Variants in ERAP2 observed in about 807,000 individuals in gnomAD.
ERAP2 encodes the protein leukocyte-derived arginine aminopeptidase.
Under a neutral mutation model 111.1 loss-of-function variants are expected in ERAP2, and 118 were observed. The observed-to-expected ratio is 1.06, with a 90% CI of 0.92 to 1.24. The LOEUF (loss-of-function observed/expected upper bound fraction) is 1.24. ERAP2 is among the 50% of genes most tolerant of loss of function. The pLI, the probability that ERAP2 is intolerant of heterozygous loss-of-function variation, is 0.00. For synonymous variants in ERAP2, 410 were observed against 401.2 expected, an observed-to-expected ratio of 1.02 and a Z score of -0.26; for missense variants, 1,131 against 1,125.8, an observed-to-expected ratio of 1.00 and a Z score of -0.07.
rs1787577210 is a variant in ERAP2, at chr5:96,917,709, AT to A, written c.*105del. ...ATCACGAGGTCAGGAGATGGAGACCATCCTGGCTAACACGGTGAGACCCCGT... is the reference window on the plus strand; with the variant it reads ...ATCACGAGGTCAGGAGATGGAGACCACCTGGCTAACACGGTGAGACCCCGT... On this transcript the variant is annotated 3_prime_UTR_variant, in exon 19 of 19. Transcript: ENST00000437043. 1 of 885,866 alleles carries A rather than the reference AT, an allele frequency of 1.1e-6. No individual in the cohort carries two copies. Among genetic ancestry groups the A allele is most frequent in the Non-Finnish European group, 1.6e-6 (1 of 610,564 alleles). The allele number at this position is 885,866 out of a possible 1,614,324, so 54.9% of individuals were successfully genotyped here. A position where few individuals can be genotyped will look rare whatever the true frequency, so the allele number is the denominator to read the frequency against.
chr5:96,901,568 A>G lies in ERAP2; in HGVS notation c.1635A>G (p.Lys545=). The part of the protein sequence containing the change: ...KEMMTTWTLQ[K]GIPLLVVKQD... ...TGATGACTACATGGACTCTCCAGAA[A>G]GGAATCCCCCTGCTGGTGGTTAAAC... is the stretch of plus-strand genomic sequence containing the variant. The change falls in exon 11 of 19, where the codon AAA becomes AAG. Residue 545 remains lysine (K), a synonymous_variant. Coordinates refer to ENST00000437043, the MANE Select transcript of ERAP2 (RefSeq NM_022350.5). 2 of 1,614,116 alleles carry G rather than the reference A, an allele frequency of 1.2e-6. No homozygotes were observed. Among genetic ancestry groups the G allele is most frequent in the South Asian group, 2.2e-5 (2 of 91,086 alleles).
chr5:96,879,070 G>A (rs746420423), intron 1 of ERAP2, among the ~76,000 whole-genome samples: 2 of 152,022 alleles, frequency 1.3e-5, no homozygotes, highest in African/African-American at 4.8e-5. Flanking sequence ...TACAAAAAAG[G>A]TAGCCGAGTG....
chr5:96,882,979 C>T (rs1783312321), intron 2 of ERAP2, among the ~76,000 whole-genome samples: 1 of 152,112 alleles, frequency 6.6e-6, no homozygotes, highest in Admixed American at 6.6e-5. Flanking sequence ...TGTAACTGTA[C>T]AGTTTCAGGC....
intron 14 of ERAP2, 120 bp downstream of exon 14, chr5:96,909,237 C>T (rs1786441278): frequency 2.2e-6 from 2 of 893,276 alleles, no homozygotes; most frequent in East Asian, 2.6e-5. Context: ...GGGGGACTGA[C>T]TGATAGCATG....
chr5:96,896,863 T>G lies in ERAP2; in HGVS notation c.1503T>G (p.Asn501Lys). Reference sequence around the variant, plus strand: ...ATGACTTGTGGAGCAGTCTGTCAAATGTAAGTCATATGTTGGGTAACGATA... The same window carrying G: ...ATGACTTGTGGAGCAGTCTGTCAAAGGTAAGTCATATGTTGGGTAACGATA... The part of the protein sequence containing the change: ...KNDDLWSSLS[N>K]SCLESDFTSG... The change falls in exon 9 of 19, where the codon AAT (asparagine) becomes AAG (lysine). Residue 501 changes from asparagine (N) to lysine (K), a missense_variant and splice_region_variant. Physicochemically the swap from Asn to Lys is moderately conservative, Grantham distance 94 (BLOSUM62 0). Around this residue, in one of 3 missense-constraint regions of ERAP2, gnomAD observed 847 missense variants for 856.5 expected, o/e 0.99. Coordinates refer to ENST00000437043, the MANE Select transcript of ERAP2 (RefSeq NM_022350.5). The G allele has an allele frequency of 6.3e-7, 1 of 1,578,610 alleles. No homozygotes were observed. The highest frequency in any genetic ancestry group is 8.6e-7 in the Non-Finnish European group (1 of 1,169,324).
intron 4 of ERAP2, 43 bp from the exon 5 acceptor site, chr5:96,889,142 G>A (rs775352225): frequency 3.1e-6 from 5 of 1,609,756 alleles, no homozygotes; most frequent in Non-Finnish European, 4.2e-6. Flanking sequence ...AATTATGCCA[G>A]GGAGCTGTCA....
chr5:96,915,521 C>G (rs576524181), intron 17 of ERAP2, among the ~76,000 whole-genome samples, 167 bp from the exon 18 acceptor site: 1 of 152,234 alleles, frequency 6.6e-6, no homozygotes, highest in African/African-American at 2.4e-5. Flanking sequence ...AGTTTCACAG[C>G]TTTAGAATTG....
intron 17 of ERAP2, among the ~76,000 whole-genome samples, 189 bp downstream of exon 17, chr5:96,913,646 AT>A (rs1787047749): frequency 6.6e-6 from 1 of 152,210 alleles, no homozygotes; most frequent in Non-Finnish European, 1.5e-5. Context: ...AGACATGAGA[AT>A]AAGGGAATGG....
chr5:96,878,492 C>T (rs1453016024), intron 1 of ERAP2, among the ~76,000 whole-genome samples: 2 of 152,064 alleles, frequency 1.3e-5, no homozygotes, highest in African/African-American at 4.8e-5. Flanking sequence ...AGACATCTTG[C>T]ACAGTTTACT....
intron 18 of ERAP2, among the ~76,000 whole-genome samples, chr5:96,916,456 CTTTTTTTT>C (rs745860227): frequency 4.1e-5 from 4 of 97,640 alleles, no homozygotes; most frequent in Non-Finnish European, 7.7e-5. Flanking sequence ...TTCTAGTTAT[CTTTTTTTT>C]TTTTTTTTTT....
intron 3 of ERAP2, 146 bp from the exon 4 acceptor site, chr5:96,886,509 C>A (rs1323862458): frequency 2.0e-6 from 1 of 491,694 alleles, no homozygotes; most frequent in South Asian, 7.9e-5. Flanking sequence ...CTACAGAATA[C>A]TAGGAGAGGC....
In ERAP2 at chr5:96,892,388, A is replaced by G; in HGVS notation, c.1060A>G (p.Lys354Glu). 6.2e-7 allele frequency: 1 copy of G among 1,614,066 alleles called. No individual in the cohort carries two copies. The change falls in exon 6 of 19, where the codon AAG becomes GAG. Residue 354 changes from lysine to glutamate, a missense_variant. By Grantham distance (56) the Lys-to-Glu change is moderately conservative. This residue lies in a region of ERAP2 where 847 missense variants were observed against 856.5 expected (regional missense o/e 0.99). Transcript: ENST00000437043. ...YRETSLLFDP[K>E]TSSASDKLWV... ...GGAGACGTCACTGCTTTTTGACCCCAAGACCTCTTCTGCTTCCGATAAACT... is the reference window on the plus strand; with the variant it reads ...GGAGACGTCACTGCTTTTTGACCCCGAGACCTCTTCTGCTTCCGATAAACT...
At chr5:96,913,559 C>A in intron 17 of ERAP2, 102 bp downstream of exon 17, 1 of 1,318,114 alleles carries the variant, frequency 7.6e-7, no homozygotes, top group Admixed American at 2.0e-5. Flanking sequence ...TAAATAATAC[C>A]ATTTGTATCC....
At chr5:96,882,671 T>C (rs934447096) in intron 2 of ERAP2, among the ~76,000 whole-genome samples, 4 of 152,232 alleles carry the variant, frequency 2.6e-5, no homozygotes, top group Non-Finnish European at 4.4e-5. Flanking sequence ...CAAAATTTCA[T>C]GTGAGTGAAA....
At chr5:96,909,864 G>A in intron 15 of ERAP2, 100 bp downstream of exon 15, 9 of 1,186,948 alleles carry the variant, frequency 7.6e-6, no homozygotes, top group African/African-American at 3.1e-5. Flanking sequence ...AGTGAGGATA[G>A]AAAAAAAAAC....
intron 5 of ERAP2, chr5:96,889,528 A>G: frequency 1.4e-6 from 1 of 697,694 alleles, no homozygotes; most frequent in African/African-American, 1.8e-5. Context: ...TATCAGGTTT[A>G]ACGTTAACAT....
At chr5:96,876,394 T>C (rs1195024864), upstream of ERAP2, 2 of 152,324 alleles carry the variant, frequency 1.3e-5, no homozygotes, top group African/African-American at 2.4e-5. Context: ...CTAAGCTCCA[T>C]TCACACCTGC....
In ERAP2 at chr5:96,906,731, C is replaced by T. The variant is rs115549162; in HGVS notation, c.2013-2230C>T. 9.2e-3 allele frequency among the ~76,000 whole-genome samples: 1,406 copies of T among 152,258 alleles called. 24 individuals are homozygous for T. Among genetic ancestry groups the T allele is most frequent in the African/African-American group, 0.032 (1,322 of 41,544 alleles). On this transcript the variant is annotated intron_variant, in intron 13 of 18. Coordinates refer to ENST00000437043, the MANE Select transcript of ERAP2 (RefSeq NM_022350.5). ...TATATTTGTTTCTTTTAGTCCCACA[C>T]CTTAAAGAGAAAACCCCACATTGGG...
chr5:96,917,391 GATTACA>G, intron 18 of ERAP2, 65 bp from the exon 19 acceptor site: 6 of 1,475,432 alleles, frequency 4.1e-6, no homozygotes, highest in East Asian at 2.4e-5. Context: ...GAAGTGCTGG[GATTACA>G]GGTGTGAACC....
Sources: gnomAD v4.1 joint callset for allele counts (sites outside exome capture counted in the v4.1 genomes callset) on GRCh38, gnomAD v4.1.1 for gene constraint, gnomAD v4.1.1 regional missense constraint, MANE v1.5 for transcripts, NCBI Gene and HGNC (gene_info 2026-07-23, HGNC 2026-07-21) for gene names.